The following NAA35 variants were observed in gnomAD, a reference collection of about 807,000 sequenced individuals.
The protein encoded by NAA35 is MAK10 homolog, amino-acid N-acetyltransferase subunit.
NAA35 carries 18 observed loss-of-function variants against 101.7 expected under a neutral mutation model. The ratio of observed to expected loss-of-function variants is 0.18; its 90% CI spans 0.12 to 0.26. The LOEUF (loss-of-function observed/expected upper bound fraction) is 0.26. Among genes scored for constraint, NAA35 ranks in the 10% least tolerant of loss-of-function variants. The pLI is 1.00. For missense variants in NAA35, 601 were observed against 886.8 expected (o/e 0.68, Z 4.09); for synonymous variants, 267 against 273.1 (o/e 0.98, Z 0.22).
intron 6 of NAA35, among the ~76,000 whole-genome samples, chr9:85,963,922 T>A (rs1217298324): frequency 2.6e-5 from 4 of 152,188 alleles, no homozygotes; most frequent in African/African-American, 9.6e-5. Context: ...GAGAAGATAG[T>A]TCACAGAAAA....
At chr9:85,944,334 GTA>G (rs1396518910) in intron 2 of NAA35, among the ~76,000 whole-genome samples, 3 of 152,178 alleles carry the variant, frequency 2.0e-5, no homozygotes, top group Non-Finnish European at 2.9e-5. Context: ...GTTACTCAAG[GTA>G]TTTAATTTAG....
chr9:85,980,055 T>A (rs1459039762), intron 11 of NAA35, among the ~76,000 whole-genome samples: 3 of 152,120 alleles, frequency 2.0e-5, no homozygotes, highest in Non-Finnish European at 4.4e-5. Flanking sequence ...CTGGAGCGAG[T>A]CACAGAACTC....
chr9:85,982,554 C>A (rs1830478868), intron 11 of NAA35, among the ~76,000 whole-genome samples: 1 of 152,054 alleles, frequency 6.6e-6, no homozygotes, highest in Non-Finnish European at 1.5e-5. Context: ...GTCTAGTTTA[C>A]CCTTTAGATT....
At position 85,958,565 on chromosome 9, in the gene NAA35, C is replaced by T; in HGVS notation, c.252C>T (p.Leu84=). The T allele has an allele frequency of 6.2e-7, 1 of 1,609,658 alleles. No individual in the cohort carries two copies. Among genetic ancestry groups the T allele is most frequent in the South Asian group, 1.1e-5 (1 of 90,556 alleles). The part of the protein sequence containing the change: ...MIGNQVNRKV[L]NFEQAIKDGT... ...GAAACCAAGTTAATCGAAAAGTTCT[C>T]AATTTTGAACAAGCTATCAAGGTAG... Residue 84 remains leucine, a synonymous_variant, in exon 4 of 23, where the codon CTC becomes CTT. Coordinates refer to ENST00000361671, the MANE Select transcript of NAA35 (RefSeq NM_024635.4).
At chr9:85,994,336 C>G (rs1351554591) in intron 11 of NAA35, among the ~76,000 whole-genome samples, 2 of 152,222 alleles carry the variant, frequency 1.3e-5, no homozygotes, top group African/African-American at 4.8e-5. Context: ...CACAAACCCT[C>G]ACGGCCATTA....
At chr9:85,946,408 G>A (rs1828764558) in intron 2 of NAA35, among the ~76,000 whole-genome samples, 1 of 152,116 alleles carries the variant, frequency 6.6e-6, no homozygotes, top group Admixed American at 6.5e-5. Flanking sequence ...TCCACACTAT[G>A]GATAGCAACA....
chr9:86,009,777 T>G, intron 14 of NAA35, 88 bp from the exon 15 acceptor site: 1 of 906,046 alleles, frequency 1.1e-6, no homozygotes, highest in African/African-American at 1.7e-5. Context: ...TTTATTCACC[T>G]TCTCTGTCAT....
At chr9:86,008,378 A>G (rs1011864027) in intron 14 of NAA35, among the ~76,000 whole-genome samples, 14 of 152,162 alleles carry the variant, frequency 9.2e-5, no homozygotes, top group African/African-American at 3.4e-4. Flanking sequence ...TTTCTTTTAC[A>G]TGGTGGTGTA....
chr9:85,956,040 A>G (rs1193037992), intron 2 of NAA35, among the ~76,000 whole-genome samples: 1 of 152,224 alleles, frequency 6.6e-6, no homozygotes, highest in Non-Finnish European at 1.5e-5. Context: ...GTAAAAGTTT[A>G]CTTGGCGAAA....
intron 21 of NAA35, among the ~76,000 whole-genome samples, chr9:86,020,122 T>C (rs1319253107): frequency 6.6e-6 from 1 of 152,160 alleles, no homozygotes; most frequent in African/African-American, 2.4e-5. Context: ...TGTGTGCGAG[T>C]ATAAAATATC....
chr9:86,024,301 G>C lies in NAA35; in HGVS notation c.*2341G>C, dbSNP rs909822370. Reference sequence around the variant, plus strand: ...AGAATGTGCACAGGCTTGGAGGGGAGAGGGTAGCAGCCTGGCCGAAGTATA... The same window carrying C: ...AGAATGTGCACAGGCTTGGAGGGGACAGGGTAGCAGCCTGGCCGAAGTATA... On this transcript the variant is annotated 3_prime_UTR_variant, in exon 23 of 23. Transcript: ENST00000361671. Among the ~76,000 whole-genome samples, 1 of 152,218 alleles carries C rather than the reference G, an allele frequency of 6.6e-6. No individual in the cohort carries two copies. The highest frequency in any genetic ancestry group is 1.5e-5 in the Non-Finnish European group (1 of 68,038).
At chr9:85,989,775 TGTAAC>T in intron 11 of NAA35, among the ~76,000 whole-genome samples, 1 of 152,282 alleles carries the variant, frequency 6.6e-6, no homozygotes, top group Admixed American at 6.5e-5. Context: ...CTAAATATAA[TGTAAC>T]ATAACTGTCA....
chr9:85,997,638 C>T (rs754848434), intron 12 of NAA35, among the ~76,000 whole-genome samples: 4 of 151,914 alleles, frequency 2.6e-5, no homozygotes, highest in Admixed American at 6.6e-5. Flanking sequence ...TCACTGCACC[C>T]GGTCAATTTT....
In NAA35 at chr9:85,956,348, T is replaced by C; in HGVS notation, c.125-12T>C. 5 of 1,311,614 alleles carry C rather than the reference T, an allele frequency of 3.8e-6. No individual in the cohort carries two copies. The highest frequency in any genetic ancestry group is 1.4e-5 in the South Asian group (1 of 71,358). The allele number at this position is 1,311,614 out of a possible 1,614,324, so 81.2% of individuals were successfully genotyped here. ...AAATATGTTCAAAGGGTTTTTCTCT[T>C]TTTTTTTTTAGAATTAAAGTTGGGA... On this transcript the variant is annotated splice_polypyrimidine_tract_variant and intron_variant, in intron 2 of 22. Coordinates refer to ENST00000361671, the MANE Select transcript of NAA35 (RefSeq NM_024635.4).
At chr9:85,974,404 G>A (rs529987109) in intron 6 of NAA35, among the ~76,000 whole-genome samples, 59 of 152,244 alleles carry the variant, frequency 3.9e-4, no homozygotes, top group Middle Eastern at 3.4e-3. Flanking sequence ...TAATGACTCA[G>A]CAATGAAATC....
At chr9:85,974,824 T>C in intron 6 of NAA35, 143 bp from the exon 7 acceptor site, 1 of 618,614 alleles carries the variant, frequency 1.6e-6, no homozygotes, top group Non-Finnish European at 2.8e-6. Context: ...CCTAGCAATA[T>C]TTAGACAAGC....
rs1352472909 is a variant in NAA35, at chr9:86,022,555, G to A, written c.*595G>A. On this transcript the variant is annotated 3_prime_UTR_variant, in exon 23 of 23. Coordinates refer to ENST00000361671, the MANE Select transcript of NAA35 (RefSeq NM_024635.4). ...ATTATATATCTGTAAGAATACAGATGTGTAAAAAAAATCCTTTTAGCACTT... is the reference window on the plus strand; with the variant it reads ...ATTATATATCTGTAAGAATACAGATATGTAAAAAAAATCCTTTTAGCACTT... Among the ~76,000 whole-genome samples the A allele has an allele frequency of 6.6e-6, 1 of 152,138 alleles. No individual in the cohort carries two copies. The highest frequency in any genetic ancestry group is 2.4e-5 in the African/African-American group (1 of 41,450).
chr9:85,942,566 C>G (rs1431850768), intron 2 of NAA35, among the ~76,000 whole-genome samples: 1 of 152,210 alleles, frequency 6.6e-6, no homozygotes, highest in Non-Finnish European at 1.5e-5. Context: ...CTTTGTTAAT[C>G]TAAAAGATAA....
intron 17 of NAA35, 25 bp downstream of exon 17, chr9:86,013,922 TTGG>T (rs1191164150): frequency 9.7e-6 from 15 of 1,542,906 alleles, no homozygotes; most frequent in Non-Finnish European, 1.2e-5. Context: ...TGAGTTAAAA[TTGG>T]TGGTGGGTGC....
Sources: gnomAD v4.1 joint callset for allele counts (sites outside exome capture counted in the v4.1 genomes callset) on GRCh38, gnomAD v4.1.1 for gene constraint, MANE v1.5 for transcripts, NCBI Gene and HGNC (gene_info 2026-07-23, HGNC 2026-07-21) for gene names.